Variants in ARSF observed in about 807,000 individuals in gnomAD.
The protein encoded by ARSF is arylsulfatase F.
ARSF carries 33 observed loss-of-function variants against 35.4 expected under a neutral mutation model. The ratio of observed to expected loss-of-function variants is 0.93; its 90% confidence interval spans 0.71 to 1.25. The LOEUF (loss-of-function observed/expected upper bound fraction) is 1.25, where lower values mean the gene tolerates loss of function less well. Among genes scored for constraint, ARSF ranks in the 50% most tolerant of loss-of-function variants. The pLI is 0.00. For synonymous variants in ARSF, 222 were observed against 193.1 expected (o/e 1.15, Z -1.24); for missense variants, 501 against 480.2 (o/e 1.04, Z -0.40).
At chrX:3,093,090 T>C (rs111842536) in intron 7 of ARSF, among the ~76,000 whole-genome samples, 1,233 of 110,382 alleles carry the variant, frequency 0.011, 16 homozygotes, top group African/African-American at 0.035. Flanking sequence ...GGCGTGAACC[T>C]GGGAGGCAGA....
Position 3,081,493 on chromosome X carries a change from C to T in ARSF, c.406+480C>T, listed in dbSNP as rs769887207. Among the ~76,000 whole-genome samples the T allele has an allele frequency of 1.8e-3, 195 of 110,350 alleles. 1 individual carries two copies. Among genetic ancestry groups the T allele is most frequent in the African/African-American group, 4.9e-3 (148 of 30,367 alleles). On this transcript the variant is annotated intron_variant, in intron 5 of 10. Transcript: ENST00000381127. The stretch of plus-strand genomic sequence containing the variant: ...CTGGGACTACAGGCGCGTGCCACCA[C>T]GACTGGCTAATTTTTGTATTTTTAG...
chrX:3,107,217 T>C lies in ARSF; in HGVS notation c.1266-2911T>C, dbSNP rs755596612. 2.5e-4 allele frequency among the ~76,000 whole-genome samples: 28 copies of C among 111,471 alleles called. No individual in the cohort carries two copies. The Middle Eastern group carries it at 0.014, about 55-fold the overall frequency. ...CTAAATAAAACATAGGAGAAAATCA[T>C]TGTAATATTCAGATAAGAAAATAAT... On this transcript the variant is annotated intron_variant, in intron 9 of 10. Coordinates refer to ENST00000381127, the MANE Select transcript of ARSF (RefSeq NM_001201539.2).
rs192931132 is a variant in ARSF, at chrX:3,080,855, A to G, written c.284-36A>G. The G allele has an allele frequency of 2.9e-4, 350 of 1,203,486 alleles. 6 individuals are homozygous for G. The East Asian group carries it at 0.01, about 35-fold the overall frequency. On this transcript the variant is annotated intron_variant, in intron 4 of 10. Coordinates refer to ENST00000381127, the MANE Select transcript of ARSF (RefSeq NM_001201539.2). ...ACAAAAATATTCCCTCTGTAGCAACACCTACTCATTGTACTTTTTTCCACA... is the reference window on the plus strand; with the variant it reads ...ACAAAAATATTCCCTCTGTAGCAACGCCTACTCATTGTACTTTTTTCCACA...
rs1203727563 is a variant in ARSF at position 3,069,113 on chromosome X, C to T, written c.11+1002C>T. The stretch of plus-strand genomic sequence containing the variant: ...CTGAGTAGGGATATGCTGAGAAGAG[C>T]GTCATGTGTTTCCTTAAGAAAATAT... On this transcript the variant is annotated intron_variant, in intron 2 of 10. Coordinates refer to ENST00000381127, the MANE Select transcript of ARSF (RefSeq NM_001201539.2). Among the ~76,000 whole-genome samples the T allele has an allele frequency of 2.2e-4, 25 of 111,251 alleles. 1 individual carries two copies. The highest frequency in any genetic ancestry group is 1.9e-5 in the Non-Finnish European group (1 of 53,063).
At chrX:3,079,395 G>T (rs1264487147) in intron 4 of ARSF, among the ~76,000 whole-genome samples, 1 of 103,132 alleles carries the variant, frequency 9.7e-6, no homozygotes, top group Non-Finnish European at 2.0e-5. Context: ...GCCCAGGCTG[G>T]AGTGCAATGG....
In ARSF at chrX:3,045,056, G is replaced by C. The variant is rs146583944; in HGVS notation, c.-29+3393G>C. Among the ~76,000 whole-genome samples, 165 of 111,475 alleles carry C rather than the reference G, an allele frequency of 1.5e-3. 3 individuals are homozygous for C. The highest frequency in any genetic ancestry group is 4.9e-4 in the Non-Finnish European group (26 of 53,155). ...GAGGTTTATAAAAACACAAAGATGT[G>C]GTTTTTGCCAAAGAAAATGTAATGT... On this transcript the variant is annotated intron_variant, in intron 1 of 10. Coordinates refer to ENST00000381127, the MANE Select transcript of ARSF (RefSeq NM_001201539.2).
chrX:3,084,227 G>C lies in ARSF; in HGVS notation c.407-16G>C. On this transcript the variant is annotated splice_polypyrimidine_tract_variant and intron_variant, in intron 5 of 10. Transcript: ENST00000381127. ...GACATATTGATGCGTAGATGTGTTTGTGTGTTTGGTTTTAGGCAAATGGCA... is the reference window on the plus strand; with the variant it reads ...GACATATTGATGCGTAGATGTGTTTCTGTGTTTGGTTTTAGGCAAATGGCA... 2 of 1,207,392 alleles carry C rather than the reference G, an allele frequency of 1.7e-6. No individual in the cohort carries two copies. Among genetic ancestry groups the C allele is most frequent in the East Asian group, 3.0e-5 (1 of 33,767 alleles).
At chrX:3,093,130 A>C (rs777519412) in intron 7 of ARSF, among the ~76,000 whole-genome samples, 6 of 111,626 alleles carry the variant, frequency 5.4e-5, no homozygotes, top group African/African-American at 1.3e-4. Flanking sequence ...GCGCCACTGC[A>C]CTCCAGCCTG....
intron 1 of ARSF, among the ~76,000 whole-genome samples, chrX:3,063,053 C>T (rs1171251854): frequency 8.9e-6 from 1 of 111,842 alleles, no homozygotes; most frequent in Admixed American, 9.5e-5. Context: ...CAAAAATCCT[C>T]AATAAAATAC....
chrX:3,075,790 C>G (rs753383968), intron 3 of ARSF, among the ~76,000 whole-genome samples: 1 of 107,746 alleles, frequency 9.3e-6, no homozygotes, highest in Non-Finnish European at 1.9e-5. Flanking sequence ...TCACTCTATC[C>G]ATTTCTTTCT....
intron 9 of ARSF, among the ~76,000 whole-genome samples, chrX:3,109,914 G>A (rs185975339): frequency 4.9e-4 from 55 of 111,503 alleles, no homozygotes; most frequent in African/African-American, 1.8e-3. Context: ...CACATTCCTC[G>A]GCCTCATCAT....
rs544600848 is a variant in ARSF, at chrX:3,083,092, CCTAT to C, written c.407-1141_407-1138del. On this transcript the variant is annotated intron_variant, in intron 5 of 10. Transcript: ENST00000381127. ...TCTATCTATCTATCTATTCATCTAT[CCTAT>C]CTATCTATCCACCCATAGATCTCCA... Among the ~76,000 whole-genome samples the C allele has an allele frequency of 1.1e-3, 125 of 109,682 alleles. No homozygotes were observed. In the South Asian group the frequency reaches 0.024, roughly 21 times the overall value.
At chrX:3,087,302 T>G (rs1013538237) in intron 6 of ARSF, among the ~76,000 whole-genome samples, 1 of 112,024 alleles carries the variant, frequency 8.9e-6, no homozygotes, top group Admixed American at 9.5e-5. Context: ...TATTTAATTT[T>G]AAATATTTAA....
rs772562624 is a variant in ARSF at position 3,089,526 on chromosome X, C to T, written c.861C>T (p.Phe287=). 1.1e-5 allele frequency: 13 copies of T among 1,211,386 alleles called. No homozygotes were observed. In the Admixed American group the frequency reaches 2.8e-4, roughly 26 times the overall value. The change falls in exon 7 of 11, where the codon TTC becomes TTT. Residue 287 remains phenylalanine (F), a synonymous_variant. Coordinates refer to ENST00000381127, the MANE Select transcript of ARSF (RefSeq NM_001201539.2). ...RHSKETFLLF[F]SFLHVHTPLP... ...GTAAGGAAACTTTCCTTCTCTTTTTCTCCTTTCTTCACGTGCACACACCTC... is the reference window on the plus strand; with the variant it reads ...GTAAGGAAACTTTCCTTCTCTTTTTTTCCTTTCTTCACGTGCACACACCTC...
At chrX:3,089,953 A>C (rs1269543040) in intron 7 of ARSF, among the ~76,000 whole-genome samples, 3 of 111,755 alleles carry the variant, frequency 2.7e-5, no homozygotes, top group African/African-American at 9.8e-5. Context: ...CAGGGAGTAC[A>C]TGTGCAGGTT....
intron 1 of ARSF, among the ~76,000 whole-genome samples, chrX:3,054,935 A>G (rs1332137328): frequency 9.6e-6 from 1 of 104,640 alleles, no homozygotes; most frequent in Non-Finnish European, 1.9e-5. Flanking sequence ...GGGTTTCACC[A>G]TATTGGTGGG....
At chrX:3,106,739 G>C (rs2090413505) in intron 9 of ARSF, among the ~76,000 whole-genome samples, 1 of 112,464 alleles carries the variant, frequency 8.9e-6, no homozygotes, top group Non-Finnish European at 1.9e-5. Flanking sequence ...CTGAACAAGA[G>C]TGTAGAATAG....
At chrX:3,105,698 C>A (rs1351114888) in intron 9 of ARSF, among the ~76,000 whole-genome samples, 1 of 111,450 alleles carries the variant, frequency 9.0e-6, no homozygotes, top group Non-Finnish European at 1.9e-5. Context: ...CTCCTGACCT[C>A]AAGTGATCCT....
At position 3,101,088 on chromosome X, in the gene ARSF, C is replaced by T; in HGVS notation, c.969C>T (p.Gly323=). 1 of 1,208,380 alleles carries T rather than the reference C, an allele frequency of 8.3e-7. No homozygotes were observed. Among genetic ancestry groups the T allele is most frequent in the East Asian group, 3.0e-5 (1 of 33,761 alleles). ...CTTGTCTCTTGTATATTATTTTAGG[C>T]AAGATTCTTGATGCTATCGATGATT... The part of the protein sequence containing the change: ...DNVEEMDSMV[G]KILDAIDDFG... Residue 323 remains glycine (G), a splice_region_variant and synonymous_variant, in exon 8 of 11, where the codon GGC becomes GGT. Coordinates refer to ENST00000381127, the MANE Select transcript of ARSF (RefSeq NM_001201539.2).
Sources: allele counts gnomAD v4.1 joint callset (sites outside exome capture counted in the v4.1 genomes callset), GRCh38; gene constraint gnomAD v4.1.1; transcripts MANE v1.5; gene names NCBI Gene and HGNC (gene_info 2026-07-23, HGNC 2026-07-21).